The following AFF3 variants were observed in gnomAD, a reference collection of about 807,000 sequenced individuals.
AFF3 encodes the protein AF4/FMR2 family member 3.
AFF3 carries 32 observed loss-of-function variants against 129.7 expected under a neutral mutation model. The ratio of observed to expected loss-of-function variants is 0.25; its 90% CI spans 0.19 to 0.33. The LOEUF is 0.33. Among genes scored for constraint, AFF3 ranks in the 10% least tolerant of loss-of-function variants. AFF3 has a pLI of 1.00. For missense variants in AFF3, 1,373 were observed against 1,592.0 expected, an observed-to-expected ratio of 0.86 and a Z score of 2.34; for synonymous variants, 644 against 635.4, an observed-to-expected ratio of 1.01 and a Z score of -0.20.
chr2:99,865,823 C>T (rs980389873), intron 7 of AFF3, among the ~76,000 whole-genome samples: 22 of 152,098 alleles, frequency 1.4e-4, no homozygotes, highest in African/African-American at 5.3e-4. Flanking sequence ...AACTCAAGGA[C>T]ATAAAGGCTT....
At chr2:100,038,912 C>T (rs537096133) in intron 4 of AFF3, among the ~76,000 whole-genome samples, 194 of 151,900 alleles carry the variant, frequency 1.3e-3, no homozygotes, top group African/African-American at 4.6e-3. Context: ...TTAGTAGAGA[C>T]GGGGTTTCAC....
intron 3 of AFF3, 48 bp downstream of exon 3, chr2:100,105,456 C>G (rs1259426040): frequency 7.6e-7 from 1 of 1,322,920 alleles, no homozygotes; most frequent in East Asian, 4.4e-5. Context: ...CACCCACCCT[C>G]TAGCTGGCCA....
At chr2:99,836,313 A>G (rs995932504) in intron 8 of AFF3, among the ~76,000 whole-genome samples, 2 of 152,232 alleles carry the variant, frequency 1.3e-5, no homozygotes, top group East Asian at 1.9e-4. Context: ...AGGAAAAGTT[A>G]TATCAGCATC....
intron 11 of AFF3, among the ~76,000 whole-genome samples, chr2:99,726,153 T>G (rs1411279491): frequency 6.6e-6 from 1 of 152,184 alleles, no homozygotes; most frequent in African/African-American, 2.4e-5. Context: ...AAGACAAACA[T>G]ATAATCATAT....
At chr2:100,075,031 T>G (rs59447631) in intron 4 of AFF3, among the ~76,000 whole-genome samples, 1 of 152,142 alleles carries the variant, frequency 6.6e-6, no homozygotes, top group Non-Finnish European at 1.5e-5. Context: ...TGACAATGAG[T>G]ATAAATACAA....
intron 8 of AFF3, among the ~76,000 whole-genome samples, chr2:99,754,465 T>G (rs1681923553): frequency 6.6e-6 from 1 of 152,234 alleles, no homozygotes; most frequent in Admixed American, 6.5e-5. Flanking sequence ...ATGTTAACTT[T>G]GCATACAGAC....
At chr2:99,725,582 G>A (rs1679302088) in intron 11 of AFF3, among the ~76,000 whole-genome samples, 1 of 152,024 alleles carries the variant, frequency 6.6e-6, no homozygotes, top group African/African-American at 2.4e-5. Context: ...TGCCTGCCTC[G>A]GCCTCCCAAA....
chr2:99,958,768 CAGAT>C (rs1676917076), intron 7 of AFF3, among the ~76,000 whole-genome samples: 1 of 151,882 alleles, frequency 6.6e-6, no homozygotes, highest in South Asian at 2.1e-4. Flanking sequence ...TTCTGAGAAA[CAGAT>C]AGGATTTTGG....
intron 5 of AFF3, 54 bp downstream of exon 5, chr2:100,008,758 A>C: frequency 6.3e-7 from 1 of 1,589,344 alleles, no homozygotes; most frequent in Non-Finnish European, 8.6e-7. Context: ...CCACCGTCAC[A>C]GGGAGTGAGA....
intron 2 of AFF3, among the ~76,000 whole-genome samples, chr2:100,124,865 A>G (rs6542913): frequency 0.036 from 5,510 of 152,330 alleles, 335 homozygotes; most frequent in African/African-American, 0.13. Flanking sequence ...TGGCAAAATT[A>G]GAGCATAAAG....
At chr2:99,723,955 G>A (rs140797031) in intron 11 of AFF3, among the ~76,000 whole-genome samples, 3 of 152,200 alleles carry the variant, frequency 2.0e-5, no homozygotes, top group Non-Finnish European at 2.9e-5. Flanking sequence ...GAGAGAGGCC[G>A]GGGATAACTC....
At chr2:100,098,140 GA>G (rs1324243090) in intron 4 of AFF3, among the ~76,000 whole-genome samples, 1 of 151,164 alleles carries the variant, frequency 6.6e-6, no homozygotes, top group African/African-American at 2.4e-5. Flanking sequence ...CTGAGAATAG[GA>G]AATGAGAAAA....
intron 4 of AFF3, among the ~76,000 whole-genome samples, chr2:100,095,914 G>A (rs1252481073): frequency 9.2e-5 from 14 of 152,268 alleles, no homozygotes; most frequent in East Asian, 1.9e-4. Context: ...AAGGTTGGCC[G>A]AGCGGGGATG....
intron 7 of AFF3, among the ~76,000 whole-genome samples, chr2:99,939,132 T>C (rs1454642558): frequency 6.6e-6 from 1 of 152,236 alleles, no homozygotes; most frequent in Non-Finnish European, 1.5e-5. Flanking sequence ...TATTTTATTA[T>C]TTTATGGCTA....
intron 8 of AFF3, among the ~76,000 whole-genome samples, chr2:99,780,727 C>T (rs1007218496): frequency 6.6e-6 from 1 of 152,164 alleles, no homozygotes; most frequent in East Asian, 1.9e-4. Flanking sequence ...ACCCTGGACT[C>T]ATCTTGACTT....
intron 4 of AFF3, among the ~76,000 whole-genome samples, chr2:100,022,480 G>A (rs990423482): frequency 7.3e-5 from 11 of 151,608 alleles, no homozygotes; most frequent in South Asian, 2.1e-4. Context: ...GTGTGATCTC[G>A]GCTCACTGTG....
chr2:99,709,712 A>AACT (rs1321373397), intron 11 of AFF3, among the ~76,000 whole-genome samples: 2 of 152,214 alleles, frequency 1.3e-5, no homozygotes, highest in Admixed American at 1.3e-4. Flanking sequence ...AGTTCTATCC[A>AACT]ACTACTGGTT....
At chr2:99,988,596 G>A (rs1254975620) in intron 7 of AFF3, among the ~76,000 whole-genome samples, 1 of 152,186 alleles carries the variant, frequency 6.6e-6, no homozygotes, top group Non-Finnish European at 1.5e-5. Context: ...TTGTGGCCAA[G>A]TACATTTGGG....
At chr2:99,930,168 A>G (rs1696569155) in intron 7 of AFF3, among the ~76,000 whole-genome samples, 1 of 152,196 alleles carries the variant, frequency 6.6e-6, no homozygotes, top group African/African-American at 2.4e-5. Context: ...CCAAGAAACT[A>G]TAAAAGAAGA....
Sources: allele counts gnomAD v4.1 joint callset (sites outside exome capture counted in the v4.1 genomes callset), GRCh38; gene constraint gnomAD v4.1.1; transcripts MANE v1.5; gene names NCBI Gene and HGNC (gene_info 2026-07-23, HGNC 2026-07-21).